P4HA1: variants seen among roughly 807,000 people sequenced by gnomAD.
P4HA1 encodes the protein prolyl 4-hydroxylase subunit alpha 1.
Under a neutral mutation model 72.8 loss-of-function variants are expected in P4HA1, and 24 were observed. That is an observed-to-expected ratio of 0.33 (90% CI 0.24 to 0.46). The LOEUF (loss-of-function observed/expected upper bound fraction) is 0.46. Ranked by LOEUF, P4HA1 falls within the 20% of genes least tolerant of loss-of-function variation. The pLI is 1.00. For synonymous variants in P4HA1, 201 were observed against 218.8 expected (o/e 0.92, Z 0.72); for missense variants, 446 against 640.6 (o/e 0.70, Z 3.28).
intron 10 of P4HA1, among the ~76,000 whole-genome samples, chr10:73,023,325 G>A (rs1564620762): frequency 6.6e-6 from 1 of 152,142 alleles, no homozygotes; most frequent in Non-Finnish European, 1.5e-5. Flanking sequence ...AGCAAGAAGA[G>A]AGTGGGGGCC....
Position 73,059,911 on chromosome 10 carries a change from C to T in P4HA1, c.464-6321G>A, listed in dbSNP as rs186247835. On this transcript the variant is annotated intron_variant, in intron 5 of 14. Transcript: ENST00000394890. ...ACTGAGCTATGATCATGCCACTGCA[C>T]TCCAGGCCGGGCAACAGAACAAGAT... is the stretch of plus-strand genomic sequence containing the variant. 2.6e-3 allele frequency among the ~76,000 whole-genome samples: 398 copies of T among 152,090 alleles called. 1 individual carries two copies. The highest frequency in any genetic ancestry group is 9.1e-3 in the African/African-American group (377 of 41,488).
intron 9 of P4HA1, among the ~76,000 whole-genome samples, chr10:73,037,358 C>T (rs373702264): frequency 2.5e-3 from 374 of 147,044 alleles, no homozygotes; most frequent in African/African-American, 8.6e-3. Context: ...CACTAGAATG[C>T]GCAGAGTAAG....
At chr10:73,092,346 C>CTTTTTTTT (rs1157972087) in intron 1 of P4HA1, among the ~76,000 whole-genome samples, 1 of 112,366 alleles carries the variant, frequency 8.9e-6, no homozygotes, top group African/African-American at 3.4e-5. Context: ...TTTTTCTTTT[C>CTTTTTTTT]TTTTTTTTTT....
At chr10:73,079,772 A>C (rs1192181545) in intron 1 of P4HA1, among the ~76,000 whole-genome samples, 2 of 152,082 alleles carry the variant, frequency 1.3e-5, no homozygotes, top group African/African-American at 4.8e-5. Flanking sequence ...ATAACAATAA[A>C]AATAAAAATA....
intron 1 of P4HA1, among the ~76,000 whole-genome samples, chr10:73,075,706 T>C (rs1841681152): frequency 6.6e-6 from 1 of 151,498 alleles, no homozygotes; most frequent in South Asian, 2.1e-4. Flanking sequence ...TCCTAATTTG[T>C]TCCATCTTTT....
chr10:73,020,308 A>G (rs2133044744), intron 10 of P4HA1, among the ~76,000 whole-genome samples: 1 of 152,298 alleles, frequency 6.6e-6, no homozygotes, highest in Admixed American at 6.5e-5. Flanking sequence ...GAAGAAATGG[A>G]TAAATTCCTG....
At chr10:73,039,099 G>C (rs1013307531) in intron 9 of P4HA1, among the ~76,000 whole-genome samples, 1 of 152,132 alleles carries the variant, frequency 6.6e-6, no homozygotes, top group Admixed American at 6.6e-5. Context: ...AGGCAATATA[G>C]TGAAACCCTG....
chr10:73,053,167 G>A (rs1279159089), intron 6 of P4HA1, among the ~76,000 whole-genome samples, 184 bp downstream of exon 6: 1 of 152,134 alleles, frequency 6.6e-6, no homozygotes, highest in African/African-American at 2.4e-5. Flanking sequence ...GCACTATTAG[G>A]TGAGAAAAAT....
At chr10:73,030,819 A>C (rs1344918086) in intron 9 of P4HA1, among the ~76,000 whole-genome samples, 2 of 152,204 alleles carry the variant, frequency 1.3e-5, no homozygotes, top group Non-Finnish European at 2.9e-5. Flanking sequence ...CTTACTGCTT[A>C]AGTTTTGAAA....
chr10:73,025,670 A>T (rs1840248768), intron 10 of P4HA1, among the ~76,000 whole-genome samples: 1 of 152,106 alleles, frequency 6.6e-6, no homozygotes, highest in Admixed American at 6.5e-5. Context: ...AGGAAGTCAA[A>T]TTGTCCCTGT....
At chr10:73,039,717 G>A (rs1044676853) in intron 9 of P4HA1, among the ~76,000 whole-genome samples, 5 of 152,136 alleles carry the variant, frequency 3.3e-5, no homozygotes, top group Admixed American at 2.0e-4. Context: ...TGATGTCATC[G>A]CTTAGACAGT....
At chr10:73,027,594 TAA>T (rs1330768195) in intron 10 of P4HA1, among the ~76,000 whole-genome samples, 1 of 84,018 alleles carries the variant, frequency 1.2e-5, no homozygotes, top group Non-Finnish European at 2.2e-5. Flanking sequence ...ACTTAAAGTA[TAA>T]AAAAAAAAAA....
intron 9 of P4HA1, among the ~76,000 whole-genome samples, chr10:73,043,725 C>T (rs1258947157): frequency 6.6e-6 from 1 of 152,146 alleles, no homozygotes; most frequent in African/African-American, 2.4e-5. Context: ...GCCCCATAAC[C>T]ATGTTTATTA....
chr10:73,045,420 G>A (rs1206604905), intron 8 of P4HA1, among the ~76,000 whole-genome samples: 1 of 151,998 alleles, frequency 6.6e-6, no homozygotes, highest in South Asian at 2.1e-4. Flanking sequence ...AAAAAAAGAA[G>A]AATGCCTATT....
At chr10:73,075,733 T>C (rs1297670108) in intron 1 of P4HA1, among the ~76,000 whole-genome samples, 2 of 150,500 alleles carry the variant, frequency 1.3e-5, no homozygotes, top group Non-Finnish European at 2.9e-5. Flanking sequence ...ATATTTTATA[T>C]ATATATATAG....
chr10:73,028,984 G>A (rs552444177), intron 10 of P4HA1, among the ~76,000 whole-genome samples: 8 of 151,276 alleles, frequency 5.3e-5, no homozygotes, highest in Admixed American at 3.9e-4. Context: ...AGCAGAGGTC[G>A]CACTGATCCA....
At chr10:73,047,752 T>C (rs1840908359) in intron 7 of P4HA1, among the ~76,000 whole-genome samples, 1 of 152,120 alleles carries the variant, frequency 6.6e-6, no homozygotes, top group Non-Finnish European at 1.5e-5. Context: ...CTTCTCTTAA[T>C]TAAACAAGTA....
chr10:73,048,906 A>G (rs1015226222), intron 7 of P4HA1, among the ~76,000 whole-genome samples: 2 of 152,074 alleles, frequency 1.3e-5, no homozygotes, highest in Admixed American at 6.5e-5. Flanking sequence ...AGGCCGAGGC[A>G]GGCGGATCAC....
intron 7 of P4HA1, among the ~76,000 whole-genome samples, chr10:73,050,122 C>T (rs1053117526): frequency 4.0e-5 from 6 of 150,184 alleles, no homozygotes; most frequent in East Asian, 4.0e-4. Flanking sequence ...GCCGAGACTG[C>T]GCTACCGCAT....
Sources: allele counts gnomAD v4.1 joint callset (sites outside exome capture counted in the v4.1 genomes callset), GRCh38; gene constraint gnomAD v4.1.1; transcripts MANE v1.5; gene names NCBI Gene and HGNC (gene_info 2026-07-23, HGNC 2026-07-21).